Variants in KLF9 observed in about 807,000 individuals in gnomAD.
KLF9 encodes the protein KLF transcription factor 9, also known as Krueppel-like factor 9.
Under a neutral mutation model 17.3 loss-of-function variants are expected in KLF9, and 2 were observed. The ratio of observed to expected loss-of-function variants is 0.12; its 90% CI spans 0.05 to 0.36. The LOEUF is 0.36. Ranked by LOEUF, KLF9 falls within the 10% of genes least tolerant of loss-of-function variation. KLF9 has a pLI of 1.00. For missense variants in KLF9, 226 were observed against 333.2 expected (o/e 0.68, Z 2.51); for synonymous variants, 138 against 139.2 (o/e 0.99, Z 0.06).
rs2037351481 is a variant in KLF9, at chr9:70,413,846, A to T, written c.-483T>A. 6.5e-6 allele frequency: 1 copy of T among 152,730 alleles called. No individual in the cohort carries two copies. Among genetic ancestry groups the T allele is most frequent in the South Asian group, 2.1e-4 (1 of 4,830 alleles). The allele number at this position is 152,730 out of a possible 1,614,324, so 9.5% of individuals were successfully genotyped here. ...CCCGATCACCCCGACGCGGGTGGCG[A>T]GGGTCCCGCCGAGCGCCAGGTCTAA... On this transcript the variant is annotated 5_prime_UTR_variant, in exon 1 of 2. Transcript: ENST00000377126. The surrounding 1 kb of genome is among the most constrained non-coding windows in gnomAD (Gnocchi z 5.6).
intron 1 of KLF9, among the ~76,000 whole-genome samples, chr9:70,393,205 G>A (rs956081880): frequency 2.0e-5 from 3 of 152,202 alleles, no homozygotes; most frequent in South Asian, 2.1e-4. Context: ...CTGGGCCTAC[G>A]GAGGGTGCAA....
intron 1 of KLF9, among the ~76,000 whole-genome samples, chr9:70,411,051 G>A (rs146147680): frequency 7.7e-4 from 118 of 152,290 alleles, no homozygotes; most frequent in African/African-American, 2.7e-3. Context: ...CAGCTGAGCC[G>A]AATGACTTGC....
chr9:70,396,291 A>G (rs2037181444), intron 1 of KLF9, among the ~76,000 whole-genome samples: 2 of 152,256 alleles, frequency 1.3e-5, no homozygotes. Flanking sequence ...AAAAGGTGGT[A>G]ACTTAAATGC....
intron 1 of KLF9, among the ~76,000 whole-genome samples, chr9:70,410,935 G>A (rs2037307319): frequency 6.6e-6 from 1 of 152,138 alleles, no homozygotes; most frequent in Non-Finnish European, 1.5e-5. Flanking sequence ...ATAGGCACCT[G>A]CAATCACCAC....
intron 1 of KLF9, among the ~76,000 whole-genome samples, chr9:70,409,194 G>A (rs1411753500): frequency 4.1e-5 from 3 of 72,596 alleles, no homozygotes; most frequent in Non-Finnish European, 5.8e-5. Flanking sequence ...ACATATACAT[G>A]TATATGTATA....
intron 1 of KLF9, among the ~76,000 whole-genome samples, chr9:70,409,148 A>ATATGTGTG (rs1278949209): frequency 3.9e-4 from 24 of 61,228 alleles, no homozygotes; most frequent in Admixed American, 1.7e-3. Flanking sequence ...ATATATGTAT[A>ATATGTGTG]TGTATATATA....
At position 70,386,402 on chromosome 9, in the gene KLF9, C is replaced by G. The variant is rs7043171; in HGVS notation, c.*1374G>C. 0.94 allele frequency: 143,547 copies of G among 152,710 alleles called. 67,710 individuals are homozygous for G. Among genetic ancestry groups the G allele is most frequent in the East Asian group, 0.98 (5,089 of 5,182 alleles). The allele number at this position is 152,710 out of a possible 1,614,324, so 9.5% of individuals were successfully genotyped here. ...AAGATACAGTGATGTGATTTCATTC[C>G]TAGTATTCCATGTTGCCTGCATTCT... On this transcript the variant is annotated 3_prime_UTR_variant, in exon 2 of 2. Transcript: ENST00000377126.
chr9:70,393,519 G>A (rs1037664595), intron 1 of KLF9, among the ~76,000 whole-genome samples: 4 of 152,128 alleles, frequency 2.6e-5, no homozygotes, highest in African/African-American at 7.2e-5. Context: ...TCTGAATGTC[G>A]TCTCTTTCCT....
intron 1 of KLF9, among the ~76,000 whole-genome samples, chr9:70,407,393 T>C (rs1014801168): frequency 2.0e-5 from 3 of 152,208 alleles, no homozygotes; most frequent in East Asian, 1.9e-4. Flanking sequence ...TTTACTCTGG[T>C]ACCTCCCTCT....
intron 1 of KLF9, among the ~76,000 whole-genome samples, chr9:70,402,768 A>C (rs951763064): frequency 2.0e-5 from 3 of 152,190 alleles, no homozygotes; most frequent in Non-Finnish European, 4.4e-5. Context: ...CACCAAAAGG[A>C]AGAAAAATAT....
At chr9:70,391,262 G>A (rs1346262988) in intron 1 of KLF9, among the ~76,000 whole-genome samples, 1 of 152,194 alleles carries the variant, frequency 6.6e-6, no homozygotes, top group African/African-American at 2.4e-5. Flanking sequence ...CTGGCATGAA[G>A]CCATCAGAAT....
At chr9:70,405,806 GAAT>G (rs2118922968) in intron 1 of KLF9, among the ~76,000 whole-genome samples, 1 of 152,290 alleles carries the variant, frequency 6.6e-6, no homozygotes, top group African/African-American at 2.4e-5. Context: ...ACATTCTTAT[GAAT>G]AATAATGTTA....
At chr9:70,404,444 G>T (rs1210374571) in intron 1 of KLF9, among the ~76,000 whole-genome samples, 2 of 151,978 alleles carry the variant, frequency 1.3e-5, no homozygotes, top group East Asian at 3.9e-4. Context: ...TACAAAAAAT[G>T]GTGTGCATCT....
At position 70,413,458 on chromosome 9, in the gene KLF9, G is replaced by A; in HGVS notation, c.-95C>T. On this transcript the variant is annotated 5_prime_UTR_variant, in exon 1 of 2. Transcript: ENST00000377126. This position sits in a 1 kb window ranked among gnomAD's most constrained non-coding sequence, Gnocchi z 5.6. Reference sequence around the variant, plus strand: ...GCCCTGGCCTCGGACGACGAGCGCGGCGCGGCGCGGCACGGCGCGGCGGCC... The same window carrying A: ...GCCCTGGCCTCGGACGACGAGCGCGACGCGGCGCGGCACGGCGCGGCGGCC... 8.1e-7 allele frequency: 1 copy of A among 1,233,692 alleles called. No individual in the cohort carries two copies. Among genetic ancestry groups the A allele is most frequent in the Non-Finnish European group, 1.0e-6 (1 of 982,670 alleles). 76.4% of individuals were successfully genotyped at this position (1,233,692 alleles called of 1,614,324 possible). A position where few individuals can be genotyped will look rare whatever the true frequency, so the allele number is the denominator to read the frequency against.
rs769490258 is a variant in KLF9 at position 70,388,034 on chromosome 9, GCT to G, written c.506-31_506-30del. ...AGAGAAAGGAATCAGAAAGGATACA[GCT>G]CAAAGAACATGAAAAAAATTCCGAA... On this transcript the variant is annotated intron_variant, in intron 1 of 1. Transcript: ENST00000377126. The G allele has an allele frequency of 3.8e-6, 6 of 1,573,544 alleles. No homozygotes were observed. In the South Asian group the frequency reaches 6.7e-5, roughly 18 times the overall value.
At chr9:70,398,852 C>CT (rs942893053) in intron 1 of KLF9, among the ~76,000 whole-genome samples, 66 of 151,714 alleles carry the variant, frequency 4.4e-4, no homozygotes, top group African/African-American at 1.5e-3. Flanking sequence ...TTTTCTTTTT[C>CT]TTTTTTTCTG....
chr9:70,391,693 A>G (rs1587738640), intron 1 of KLF9, among the ~76,000 whole-genome samples: 3 of 152,334 alleles, frequency 2.0e-5, no homozygotes. Context: ...CAGTGATCTA[A>G]ATCAGGGGCT....
At chr9:70,392,070 C>G (rs963897631) in intron 1 of KLF9, among the ~76,000 whole-genome samples, 1 of 152,182 alleles carries the variant, frequency 6.6e-6, no homozygotes, top group Non-Finnish European at 1.5e-5. Context: ...CACCTATAAT[C>G]CCAGCTACTG....
chr9:70,411,790 A>C (rs1376162806), intron 1 of KLF9, among the ~76,000 whole-genome samples: 2 of 152,134 alleles, frequency 1.3e-5, no homozygotes, highest in Admixed American at 1.3e-4. Flanking sequence ...CCTCTCAAAC[A>C]CGGTGTCACA....
Sources: gnomAD v4.1 joint callset for allele counts (sites outside exome capture counted in the v4.1 genomes callset) on GRCh38, gnomAD v4.1.1 for gene constraint, Gnocchi (gnomAD v3.1) non-coding constraint, MANE v1.5 for transcripts, NCBI Gene and HGNC (gene_info 2026-07-23, HGNC 2026-07-21) for gene names.